TENM1: variants seen among roughly 807,000 people sequenced by gnomAD.
The protein encoded by TENM1 is teneurin-1.
TENM1 carries 35 observed loss-of-function variants against 174.8 expected under a neutral mutation model. That is an observed-to-expected ratio of 0.20 (90% confidence interval 0.15 to 0.27). The LOEUF (loss-of-function observed/expected upper bound fraction) is 0.27. TENM1 is among the 10% of genes least tolerant of loss of function. The pLI is 1.00. For synonymous variants in TENM1, 781 were observed against 798.7 expected (o/e 0.98, Z 0.37); for missense variants, 1,633 against 2,130.1 (o/e 0.77, Z 4.59).
At chrX:125,036,091 T>C in the TENM1 span, among the ~76,000 whole-genome samples, 1 of 111,776 alleles carries the variant, frequency 8.9e-6, no homozygotes, top group South Asian at 3.7e-4. Flanking sequence ...TCCTTATTAA[T>C]TGACATTTCA....
chrX:125,144,741 ATT>A, the TENM1 span, among the ~76,000 whole-genome samples: 46 of 94,768 alleles, frequency 4.9e-4, no homozygotes, highest in African/African-American at 5.5e-4. Context: ...GGTGCTCATA[ATT>A]TTTTTTTTTT....
chrX:125,200,626 C>T, the TENM1 span, among the ~76,000 whole-genome samples: 1 of 88,264 alleles, frequency 1.1e-5, no homozygotes, highest in Admixed American at 1.4e-4. Context: ...CAAGCAATTG[C>T]TTCCGTGTGT....
chrX:124,942,256 C>G (rs1428624838), intron 1 of TENM1, among the ~76,000 whole-genome samples: 1 of 111,528 alleles, frequency 9.0e-6, no homozygotes, highest in African/African-American at 3.3e-5. Context: ...CTAAGTTAAG[C>G]TCCTAATCAT....
At chrX:125,021,996 TGAA>T in the TENM1 span, among the ~76,000 whole-genome samples, 4 of 112,223 alleles carry the variant, frequency 3.6e-5, no homozygotes, top group Admixed American at 9.4e-5. Context: ...ACTAAAAAGT[TGAA>T]GAAGTTTTAT....
In TENM1 at chrX:124,724,453, A is replaced by G. The variant is rs746383770; in HGVS notation, c.776+12504T>C. ...TCATAGATAAGGGGTTTCTACATGA[A>G]AGTTGAAGTGGGGAGGTTGCTATAG... On this transcript the variant is annotated intron_variant, in intron 4 of 31. Transcript: ENST00000422452. Among the ~76,000 whole-genome samples the G allele has an allele frequency of 2.1e-4, 24 of 112,038 alleles. No individual in the cohort carries two copies. The South Asian group carries it at 9.0e-3, about 42-fold the overall frequency.
intron 3 of TENM1, among the ~76,000 whole-genome samples, chrX:124,839,842 T>A (rs1028903532): frequency 8.9e-6 from 1 of 111,917 alleles, no homozygotes; most frequent in East Asian, 2.8e-4. Context: ...GATTGGACCT[T>A]ATCTCTTTGG....
chrX:124,450,229 G>A (rs1317268987), intron 23 of TENM1, among the ~76,000 whole-genome samples: 10 of 110,487 alleles, frequency 9.1e-5, no homozygotes, highest in Non-Finnish European at 1.5e-4. Flanking sequence ...GCGTGATGGC[G>A]GGTGCCTGTA....
chrX:124,873,448 G>A (rs1331717757), intron 3 of TENM1, among the ~76,000 whole-genome samples: 3 of 111,880 alleles, frequency 2.7e-5, no homozygotes, highest in African/African-American at 9.7e-5. Flanking sequence ...GTTATAAAAT[G>A]AATTTACTGG....
the TENM1 span, among the ~76,000 whole-genome samples, chrX:124,990,536 A>C: frequency 8.9e-6 from 1 of 112,785 alleles, no homozygotes; most frequent in Non-Finnish European, 1.9e-5. Context: ...TGGAGTAGGC[A>C]GGTGCCCATA....
chrX:124,764,296 G>T (rs1310544165), intron 3 of TENM1, among the ~76,000 whole-genome samples: 1 of 111,700 alleles, frequency 9.0e-6, no homozygotes, highest in Non-Finnish European at 1.9e-5. Flanking sequence ...AACCAATTAG[G>T]TACCTTTTTA....
chrX:124,834,890 T>C lies in TENM1; in HGVS notation c.535+59406A>G, dbSNP rs143205803. On this transcript the variant is annotated intron_variant, in intron 3 of 31. Coordinates refer to ENST00000422452, the Ensembl canonical transcript of TENM1. ...ATTTAACCATTCCTCAATCAATCTT[T>C]ATTTCAGGATGCTGTTAGATTTAGC... Among the ~76,000 whole-genome samples, 263 of 112,183 alleles carry C rather than the reference T, an allele frequency of 2.3e-3. 2 individuals carry two copies. Among genetic ancestry groups the C allele is most frequent in the African/African-American group, 8.2e-3 (252 of 30,881 alleles).
At chrX:124,429,938 G>C (rs1218661708) in intron 23 of TENM1, among the ~76,000 whole-genome samples, 1 of 112,161 alleles carries the variant, frequency 8.9e-6, no homozygotes, top group Non-Finnish European at 1.9e-5. Flanking sequence ...AAGTCATGGA[G>C]AGTGGTATAT....
intron 1 of TENM1, among the ~76,000 whole-genome samples, chrX:124,923,738 G>A (rs2058054698): frequency 8.9e-6 from 1 of 111,916 alleles, no homozygotes; most frequent in Non-Finnish European, 1.9e-5. Flanking sequence ...TGTATGACGG[G>A]GAAGATGGAT....
Position 124,424,974 on chromosome X carries a change from T to C in TENM1, c.4105-2336A>G, listed in dbSNP as rs181506394. Among the ~76,000 whole-genome samples, 540 of 111,443 alleles carry C rather than the reference T, an allele frequency of 4.8e-3. 4 individuals are homozygous for C. Among genetic ancestry groups the C allele is most frequent in the Non-Finnish European group, 8.0e-3 (424 of 53,069 alleles). ...CCGTGAGCCAATGAAACCTCTTTTC[T>C]TTATAAATTACCCAGTCTCAGGTAT... On this transcript the variant is annotated intron_variant, in intron 23 of 31. Coordinates refer to ENST00000422452, the Ensembl canonical transcript of TENM1.
chrX:124,921,199 C>T (rs966927704), intron 1 of TENM1, among the ~76,000 whole-genome samples: 12 of 109,048 alleles, frequency 1.1e-4, no homozygotes, highest in Admixed American at 5.9e-4. Flanking sequence ...GAAATTACCC[C>T]CCCAAATTCT....
At chrX:124,381,285 C>T (rs745399491) in exon 32 of TENM1, 1 of 1,196,012 alleles carries the variant, frequency 8.4e-7, no homozygotes, top group Non-Finnish European at 1.1e-6. Context: ...CACTGAATGC[C>T]CAGGATAGTC....
At chrX:124,515,261 T>C (rs1249809101) in intron 18 of TENM1, among the ~76,000 whole-genome samples, 1 of 111,779 alleles carries the variant, frequency 8.9e-6, no homozygotes, top group African/African-American at 3.3e-5. Flanking sequence ...GGGCAAAACC[T>C]GGAAGCATTC....
intron 1 of TENM1, among the ~76,000 whole-genome samples, chrX:124,937,203 C>A (rs1413199064): frequency 1.8e-5 from 2 of 111,734 alleles, no homozygotes; most frequent in African/African-American, 6.5e-5. Flanking sequence ...TCAATAATGA[C>A]TATAACTATA....
chrX:124,658,898 T>G (rs2051519886), intron 6 of TENM1, among the ~76,000 whole-genome samples: 1 of 112,166 alleles, frequency 8.9e-6, no homozygotes, highest in African/African-American at 3.2e-5. Flanking sequence ...TGAAGCTATA[T>G]CATTTAAAAG....
Sources: gnomAD v4.1 joint callset for allele counts (sites outside exome capture counted in the v4.1 genomes callset) on GRCh38, gnomAD v4.1.1 for gene constraint, MANE v1.5 for transcripts, NCBI Gene and HGNC (gene_info 2026-07-23, HGNC 2026-07-21) for gene names.